RIT2: variants seen among roughly 807,000 people sequenced by gnomAD.
RIT2 encodes the protein Ras like without CAAX 2.
RIT2 carries 24 observed loss-of-function variants against 23.7 expected under a neutral mutation model. The observed-to-expected ratio is 1.01, with a 90% CI of 0.73 to 1.43. RIT2 has a LOEUF of 1.43. RIT2 is among the 40% of genes most tolerant of loss of function. RIT2 has a pLI of 0.00. For synonymous variants in RIT2, 107 were observed against 91.1 expected (o/e 1.17, Z -0.99); for missense variants, 236 against 266.9 (o/e 0.88, Z 0.81).
At chr18:42,999,252 A>G (rs904356554) in intron 2 of RIT2, among the ~76,000 whole-genome samples, 9 of 152,094 alleles carry the variant, frequency 5.9e-5, no homozygotes, top group African/African-American at 2.2e-4. Context: ...AATAATAAAA[A>G]AAAATCTTTC....
At chr18:42,957,608 G>GTT (rs1910002347) in intron 3 of RIT2, among the ~76,000 whole-genome samples, 1 of 151,944 alleles carries the variant, frequency 6.6e-6, no homozygotes, top group South Asian at 2.1e-4. Flanking sequence ...ACTTGGCGAA[G>GTT]CTCTGTCTCT....
chr18:43,104,149 C>G (rs1401876522), intron 1 of RIT2, among the ~76,000 whole-genome samples: 1 of 152,134 alleles, frequency 6.6e-6, no homozygotes, highest in Non-Finnish European at 1.5e-5. Flanking sequence ...ATGGATGAAC[C>G]TGGAGGACAT....
chr18:42,918,043 A>G (rs1908958068), intron 4 of RIT2, among the ~76,000 whole-genome samples: 1 of 152,088 alleles, frequency 6.6e-6, no homozygotes, highest in South Asian at 2.1e-4. Flanking sequence ...TATTCCTAGT[A>G]CCATTTTTGC....
At chr18:42,821,876 C>T (rs1337211384) in intron 4 of RIT2, among the ~76,000 whole-genome samples, 1 of 152,118 alleles carries the variant, frequency 6.6e-6, no homozygotes. Flanking sequence ...AAGTAAAAAA[C>T]ACATTAATCA....
At chr18:42,799,759 T>C (rs1265199411) in intron 4 of RIT2, among the ~76,000 whole-genome samples, 2 of 152,198 alleles carry the variant, frequency 1.3e-5, no homozygotes, top group Admixed American at 1.3e-4. Flanking sequence ...TACTTTCTCA[T>C]TTGCAATGAG....
At chr18:43,087,200 C>T (rs1365308885) in intron 1 of RIT2, among the ~76,000 whole-genome samples, 3 of 151,898 alleles carry the variant, frequency 2.0e-5, no homozygotes, top group African/African-American at 7.3e-5. Context: ...TGAGATCACA[C>T]CACTGCAGTC....
intron 4 of RIT2, among the ~76,000 whole-genome samples, chr18:42,898,435 T>G (rs960639977): frequency 2.6e-5 from 4 of 152,128 alleles, no homozygotes; most frequent in African/African-American, 9.7e-5. Context: ...GGCAATTGTA[T>G]AGTCTTCTTT....
At chr18:42,913,316 G>A (rs1341670046) in intron 4 of RIT2, among the ~76,000 whole-genome samples, 2 of 151,560 alleles carry the variant, frequency 1.3e-5, no homozygotes, top group South Asian at 4.1e-4. Flanking sequence ...GGGTACCTAC[G>A]ACTGACTAGG....
chr18:43,105,244 C>T (rs902418124), intron 1 of RIT2, among the ~76,000 whole-genome samples: 3 of 151,890 alleles, frequency 2.0e-5, no homozygotes, highest in Non-Finnish European at 4.4e-5. Flanking sequence ...GAAATTACCA[C>T]TCAGGAGACC....
chr18:42,930,212 C>T (rs1598719302), intron 3 of RIT2, among the ~76,000 whole-genome samples: 1 of 151,758 alleles, frequency 6.6e-6, no homozygotes, highest in East Asian at 1.9e-4. Flanking sequence ...AGCAGGCAGC[C>T]CTATTTTAGT....
chr18:42,946,890 C>G lies in RIT2; in HGVS notation c.235-23127G>C, dbSNP rs556336191. On this transcript the variant is annotated intron_variant, in intron 3 of 4. Coordinates refer to ENST00000326695, the MANE Select transcript of RIT2 (RefSeq NM_002930.4). The stretch of plus-strand genomic sequence containing the variant: ...ATCTTATTCATGGTAAATTACCATA[C>G]CTAAGCTTTAGAAGTGCAAAAGAAG... Among the ~76,000 whole-genome samples the G allele has an allele frequency of 2.3e-4, 35 of 152,082 alleles. 1 individual carries two copies. The South Asian group carries it at 5.6e-3, about 24-fold the overall frequency.
chr18:43,012,938 G>C (rs1911383973), intron 2 of RIT2, among the ~76,000 whole-genome samples: 1 of 151,726 alleles, frequency 6.6e-6, no homozygotes, highest in Admixed American at 6.6e-5. Context: ...ATAATCATTT[G>C]AGAAATTCTT....
At chr18:43,115,310 T>A in intron 1 of RIT2, 107 bp downstream of exon 1, 3 of 1,407,444 alleles carry the variant, frequency 2.1e-6, no homozygotes, top group Non-Finnish European at 9.8e-7. Context: ...TGTGTTTAAC[T>A]GCCACAGTTC....
chr18:43,012,977 A>G (rs1911385588), intron 2 of RIT2, among the ~76,000 whole-genome samples: 1 of 151,852 alleles, frequency 6.6e-6, no homozygotes, highest in Non-Finnish European at 1.5e-5. Flanking sequence ...GTCTGTTGAT[A>G]GTAAGCCATA....
chr18:42,981,076 T>G (rs1910587281), intron 2 of RIT2, among the ~76,000 whole-genome samples: 1 of 152,162 alleles, frequency 6.6e-6, no homozygotes, highest in South Asian at 2.1e-4. Flanking sequence ...GCAACAGGAC[T>G]AGGTCACGGT....
chr18:42,835,985 A>G (rs1432191140), intron 4 of RIT2, among the ~76,000 whole-genome samples: 2 of 152,178 alleles, frequency 1.3e-5, no homozygotes, highest in Admixed American at 6.6e-5. Context: ...TACTTTGGAA[A>G]GTGGGAAATG....
At chr18:42,753,624 T>C (rs1475317439) in intron 4 of RIT2, among the ~76,000 whole-genome samples, 1 of 152,226 alleles carries the variant, frequency 6.6e-6, no homozygotes, top group Non-Finnish European at 1.5e-5. Flanking sequence ...TTATGCAGTC[T>C]ACATCATCAA....
At chr18:43,114,341 C>G (rs1009844211) in intron 1 of RIT2, among the ~76,000 whole-genome samples, 1 of 152,082 alleles carries the variant, frequency 6.6e-6, no homozygotes, top group African/African-American at 2.4e-5. Context: ...AAGTCACAAT[C>G]TCCTTCCTCT....
intron 2 of RIT2, among the ~76,000 whole-genome samples, chr18:43,025,226 C>CAAAAAAAAAAAAAAAAAAAAA (rs1282557268): frequency 9.2e-6 from 1 of 108,882 alleles, no homozygotes; most frequent in Non-Finnish European, 2.0e-5. Context: ...CAAAACAAAA[C>CAAAAAAAAAAAAAAAAAAAAA]AAAAAAAAAA....
Sources: gnomAD v4.1 joint callset for allele counts (sites outside exome capture counted in the v4.1 genomes callset) on GRCh38, gnomAD v4.1.1 for gene constraint, MANE v1.5 for transcripts, NCBI Gene and HGNC (gene_info 2026-07-23, HGNC 2026-07-21) for gene names.